DLG2: variants seen among roughly 807,000 people sequenced by gnomAD.
DLG2 encodes the protein disks large homolog 2.
A neutral mutation model predicts 132.5 loss-of-function variants in DLG2; 45 were observed. The ratio of observed to expected loss-of-function variants is 0.34; its 90% CI spans 0.27 to 0.44. DLG2 has a LOEUF of 0.44. Ranked by LOEUF, DLG2 falls within the 20% of genes least tolerant of loss-of-function variation. The probability of loss-of-function intolerance (pLI) is 1.00; values close to 1 mark genes in which losing one functional copy is unlikely to be tolerated. For missense variants in DLG2, 1,045 were observed against 1,196.9 expected (o/e 0.87, Z 1.87); for synonymous variants, 424 against 419.6 (o/e 1.01, Z -0.13).
At chr11:84,784,744 C>G (rs2153924826) in intron 6 of DLG2, among the ~76,000 whole-genome samples, 1 of 151,868 alleles carries the variant, frequency 6.6e-6, no homozygotes, top group South Asian at 2.1e-4. Flanking sequence ...AAAGCTTGCT[C>G]AAAAAAATGA....
At chr11:83,522,184 G>T (rs913157976) in intron 21 of DLG2, among the ~76,000 whole-genome samples, 1 of 152,176 alleles carries the variant, frequency 6.6e-6, no homozygotes, top group Non-Finnish European at 1.5e-5. Flanking sequence ...TAGCTAAAAT[G>T]CTACCTTTTC....
At chr11:85,628,352 A>C (rs979220214), upstream of DLG2, among the ~76,000 whole-genome samples, 5 of 151,486 alleles carry the variant, frequency 3.3e-5, no homozygotes, top group Non-Finnish European at 7.4e-5. Flanking sequence ...AGCTAAGCTG[A>C]TAAATAGTCA....
chr11:85,477,019 T>C (rs2093163438), intron 3 of DLG2, among the ~76,000 whole-genome samples: 1 of 152,116 alleles, frequency 6.6e-6, no homozygotes, highest in South Asian at 2.1e-4. Flanking sequence ...CCAGCATCAA[T>C]ACAATGACAA....
At chr11:83,836,298 T>G (rs1326214994) in intron 16 of DLG2, among the ~76,000 whole-genome samples, 1 of 152,114 alleles carries the variant, frequency 6.6e-6, no homozygotes, top group Non-Finnish European at 1.5e-5. Flanking sequence ...CTGAGGAAAA[T>G]GTTTAACCAA....
At chr11:83,580,238 C>A (rs185986934) in intron 19 of DLG2, among the ~76,000 whole-genome samples, 1 of 152,198 alleles carries the variant, frequency 6.6e-6, no homozygotes, top group Admixed American at 6.5e-5. Context: ...GGACTCTTCC[C>A]ATTTTTCCTC....
At chr11:85,170,940 A>C (rs947836084) in intron 4 of DLG2, among the ~76,000 whole-genome samples, 5 of 152,050 alleles carry the variant, frequency 3.3e-5, no homozygotes, top group Non-Finnish European at 7.4e-5. Flanking sequence ...AACAAATAAA[A>C]AAAAAAAACA....
At chr11:85,211,235 GT>G (rs2082234676) in intron 4 of DLG2, among the ~76,000 whole-genome samples, 2 of 152,060 alleles carry the variant, frequency 1.3e-5, no homozygotes, top group Admixed American at 1.3e-4. Flanking sequence ...TGTCTAGTAT[GT>G]TTTAGGCACT....
chr11:84,752,097 T>C (rs764763625), intron 6 of DLG2, among the ~76,000 whole-genome samples: 17 of 152,178 alleles, frequency 1.1e-4, no homozygotes, highest in Non-Finnish European at 2.2e-4. Flanking sequence ...GAAAAGGCCA[T>C]CTTATGTCGT....
chr11:85,559,907 A>G (rs1042361653), intron 3 of DLG2, among the ~76,000 whole-genome samples: 2 of 151,712 alleles, frequency 1.3e-5, no homozygotes, highest in East Asian at 1.9e-4. Context: ...CCAAATCCTA[A>G]TATCAAAAGT....
chr11:85,388,320 T>C (rs1382711690), intron 3 of DLG2, among the ~76,000 whole-genome samples: 2 of 152,006 alleles, frequency 1.3e-5, no homozygotes, highest in Non-Finnish European at 2.9e-5. Flanking sequence ...AGAGTCTGAG[T>C]TCAGACATGC....
chr11:83,656,367 C>T (rs1591829568), intron 18 of DLG2, among the ~76,000 whole-genome samples: 1 of 152,306 alleles, frequency 6.6e-6, no homozygotes, highest in Non-Finnish European at 1.5e-5. Flanking sequence ...CATTTCCTCT[C>T]CAAGGTGGGT....
chr11:84,726,563 GCAGTAAA>G (rs1359282093), intron 6 of DLG2, among the ~76,000 whole-genome samples: 1 of 152,118 alleles, frequency 6.6e-6, no homozygotes, highest in Non-Finnish European at 1.5e-5. Context: ...GAATAGTGCT[GCAGTAAA>G]CATGCGTGTG....
At chr11:84,751,703 T>C (rs556341281) in intron 6 of DLG2, among the ~76,000 whole-genome samples, 3 of 152,326 alleles carry the variant, frequency 2.0e-5, no homozygotes, top group Admixed American at 6.5e-5. Context: ...TTAAATCAAC[T>C]TGAATTTGTT....
At chr11:83,814,397 A>G (rs1316641013) in intron 17 of DLG2, among the ~76,000 whole-genome samples, 1 of 152,182 alleles carries the variant, frequency 6.6e-6, no homozygotes, top group Non-Finnish European at 1.5e-5. Context: ...GTTTATATAT[A>G]ATCCCAAAAC....
intron 3 of DLG2, among the ~76,000 whole-genome samples, chr11:85,379,952 A>G (rs1237378270): frequency 1.3e-5 from 2 of 152,224 alleles, no homozygotes; most frequent in Non-Finnish European, 2.9e-5. Flanking sequence ...CTTATCACTT[A>G]CAAATATTTG....
At chr11:85,549,074 A>T (rs1006972216) in intron 3 of DLG2, among the ~76,000 whole-genome samples, 2 of 152,116 alleles carry the variant, frequency 1.3e-5, no homozygotes, top group Non-Finnish European at 2.9e-5. Flanking sequence ...GAGTCCGCCA[A>T]AACAGCCGCC....
chr11:84,909,320 T>A (rs2091851444), intron 6 of DLG2, among the ~76,000 whole-genome samples: 1 of 152,188 alleles, frequency 6.6e-6, no homozygotes, highest in African/African-American at 2.4e-5. Flanking sequence ...TTAATTATCA[T>A]AGCTTTTATA....
chr11:84,223,483 C>T (rs2154328931), intron 8 of DLG2, among the ~76,000 whole-genome samples: 1 of 152,124 alleles, frequency 6.6e-6, no homozygotes, highest in African/African-American at 2.4e-5. Flanking sequence ...CCATCACAAC[C>T]TCCTGTTTCT....
intron 14 of DLG2, among the ~76,000 whole-genome samples, chr11:83,937,722 T>A (rs2081809294): frequency 6.6e-6 from 1 of 151,986 alleles, no homozygotes; most frequent in Non-Finnish European, 1.5e-5. Context: ...CACACACATA[T>A]AAATAACCTC....
Sources: gnomAD v4.1 joint callset for allele counts (sites outside exome capture counted in the v4.1 genomes callset) on GRCh38, gnomAD v4.1.1 for gene constraint, MANE v1.5 for transcripts, NCBI Gene and HGNC (gene_info 2026-07-23, HGNC 2026-07-21) for gene names.